Variants in CNOT9 observed in about 807,000 individuals in gnomAD.
CNOT9 encodes the protein CCR4-NOT transcription complex subunit 9, also known as RCD1 required for cell differentiation1 homolog.
In CNOT9, 8 loss-of-function variants were observed where a neutral mutation model predicts 37.4. That is an observed-to-expected ratio of 0.21 (90% CI 0.13 to 0.39). CNOT9 has a LOEUF of 0.39. Among genes scored for constraint, CNOT9 ranks in the 10% least tolerant of loss-of-function variants. CNOT9 has a pLI of 1.00. For synonymous variants in CNOT9, 120 were observed against 137.6 expected (o/e 0.87, Z 0.90); for missense variants, 154 against 365.3 (o/e 0.42, Z 4.71).
chr2:218,584,474 C>A, intron 3 of CNOT9, 138 bp from the exon 4 acceptor site: 1 of 717,670 alleles, frequency 1.4e-6, no homozygotes, highest in Non-Finnish European at 2.5e-6. Context: ...AGACTAATGA[C>A]CAGTAACATT....
At chr2:218,574,026 G>A (rs577993561) in intron 1 of CNOT9, 1 of 435,340 alleles carries the variant, frequency 2.3e-6, no homozygotes, top group Admixed American at 2.5e-5. Flanking sequence ...CTGGAGTGCA[G>A]TGGTGTGATC....
rs115387032 is a variant in CNOT9, at chr2:218,586,313, A to G, written c.431-1273A>G. On this transcript the variant is annotated intron_variant, in intron 4 of 7. Coordinates refer to ENST00000273064, the MANE Select transcript of CNOT9 (RefSeq NM_005444.3). ...ACCTTTGAAAGATAATTAGGTTTAGATGAGGACATGGCCCTCATGAGGTTA... is the reference window on the plus strand; with the variant it reads ...ACCTTTGAAAGATAATTAGGTTTAGGTGAGGACATGGCCCTCATGAGGTTA... 4.8e-3 allele frequency among the ~76,000 whole-genome samples: 731 copies of G among 152,260 alleles called. 6 individuals are homozygous for G. The highest frequency in any genetic ancestry group is 0.017 in the African/African-American group (701 of 41,560).
intron 5 of CNOT9, 146 bp downstream of exon 5, chr2:218,587,841 A>G (rs1303701460): frequency 3.9e-5 from 17 of 437,866 alleles, no homozygotes; most frequent in Non-Finnish European, 6.2e-5. Flanking sequence ...ACAATTATTG[A>G]AAAACCCAAA....
In CNOT9 at chr2:218,596,911, A is replaced by T. The variant is rs895064586; in HGVS notation, c.*2635A>T. ...TCCACGTTCTTTTTTCAAGAGCCTT[A>T]GAGGGCCTGTGGCCTGTTTCACTGG... is the stretch of plus-strand genomic sequence containing the variant. On this transcript the variant is annotated 3_prime_UTR_variant, in exon 8 of 8. Transcript: ENST00000273064. The T allele has an allele frequency of 2.0e-5, 3 of 152,192 alleles. No homozygotes were observed. The highest frequency in any genetic ancestry group is 4.4e-5 in the Non-Finnish European group (3 of 68,028). 9.4% of individuals were successfully genotyped at this position (152,192 alleles called of 1,614,324 possible). A position where few individuals can be genotyped will look rare whatever the true frequency, so the allele number is the denominator to read the frequency against.
At chr2:218,578,994 A>G (rs3770216) in intron 1 of CNOT9, among the ~76,000 whole-genome samples, 45,319 of 152,104 alleles carry the variant, frequency 0.3, 7,863 homozygotes, top group Non-Finnish European at 0.39. Context: ...TAGTTAGAGA[A>G]TATACTGAAG....
chr2:218,582,417 G>T (rs1445543426), intron 2 of CNOT9, among the ~76,000 whole-genome samples: 1 of 152,210 alleles, frequency 6.6e-6, no homozygotes, highest in Non-Finnish European at 1.5e-5. Context: ...TAGGCCGGGC[G>T]CAGTGGCTCA....
At position 218,592,506 on chromosome 2, in the gene CNOT9, A is replaced by G; in HGVS notation, c.639+104A>G. 3 of 1,476,318 alleles carry G rather than the reference A, an allele frequency of 2.0e-6. No homozygotes were observed. The highest frequency in any genetic ancestry group is 1.9e-6 in the Non-Finnish European group (2 of 1,054,674). The allele number at this position is 1,476,318 out of a possible 1,614,324, so 91.5% of individuals were successfully genotyped here. On this transcript the variant is annotated intron_variant, in intron 6 of 7. Transcript: ENST00000273064. The surrounding 1 kb of genome is among the most constrained non-coding windows in gnomAD (Gnocchi z 4.1). Reference sequence around the variant, plus strand: ...TTCAGTCCTCTGACTAGAACTAACAATTTTGGAACCTTTTATGATTCTTGG... The same window carrying G: ...TTCAGTCCTCTGACTAGAACTAACAGTTTTGGAACCTTTTATGATTCTTGG...
intron 1 of CNOT9, 77 bp downstream of exon 1, chr2:218,569,055 G>T: frequency 6.6e-7 from 1 of 1,516,368 alleles, no homozygotes. Context: ...CCTAATTCCC[G>T]GTGTCGGGTC....
chr2:218,573,731 CCAACTT>C (rs1488790762), intron 1 of CNOT9: 1 of 154,402 alleles, frequency 6.5e-6, no homozygotes, highest in African/African-American at 2.4e-5. Flanking sequence ...AAATAGAAGA[CCAACTT>C]AAACTGTCAG....
In CNOT9 at chr2:218,594,251, G is replaced by A. The variant is rs554656744; in HGVS notation, c.875G>A (p.Arg292Gln). 2.5e-6 allele frequency: 4 copies of A among 1,612,792 alleles called. No individual in the cohort carries two copies. The highest frequency in any genetic ancestry group is 4.5e-5 in the East Asian group (2 of 44,810). Reference protein sequence around the residue: ...NLQEGQVTDPRGIPLPPQ With the variant: ...NLQEGQVTDPQGIPLPPQ ...CAAGAGGGCCAGGTCACCGATCCCC[G>A]GGGTATCCCCCTGCCCCCTCAGTGA... The change falls in exon 8 of 8, where the codon CGG becomes CAG. Residue 292 changes from arginine (R) to glutamine (Q), a missense_variant. By Grantham distance (43) the Arg-to-Gln change is conservative. Coordinates refer to ENST00000273064, the MANE Select transcript of CNOT9 (RefSeq NM_005444.3).
chr2:218,576,567 G>A (rs931468022), intron 1 of CNOT9, among the ~76,000 whole-genome samples: 41 of 152,280 alleles, frequency 2.7e-4, no homozygotes, highest in Admixed American at 2.7e-3. Context: ...ATAGTACTGA[G>A]TGTTCTTTCA....
intron 1 of CNOT9, among the ~76,000 whole-genome samples, chr2:218,577,140 A>G (rs1694200952): frequency 1.3e-5 from 2 of 152,220 alleles, no homozygotes; most frequent in Non-Finnish European, 2.9e-5. Context: ...TTCCTTATCT[A>G]TAAAATGAGA....
At chr2:218,591,457 A>G (rs888603782) in intron 5 of CNOT9, among the ~76,000 whole-genome samples, 1 of 152,192 alleles carries the variant, frequency 6.6e-6, no homozygotes, top group African/African-American at 2.4e-5. Context: ...AAAAGGCCTT[A>G]TCTCAGCCGA....
chr2:218,581,487 A>G (rs899306191), intron 2 of CNOT9, among the ~76,000 whole-genome samples: 2 of 152,108 alleles, frequency 1.3e-5, no homozygotes, highest in African/African-American at 4.8e-5. Context: ...GAAATGTTGA[A>G]GGTATAACAG....
At chr2:218,580,931 A>G in intron 2 of CNOT9, 191 bp downstream of exon 2, 1 of 674,818 alleles carries the variant, frequency 1.5e-6, no homozygotes, top group African/African-American at 1.8e-5. Context: ...CAAGAGATTC[A>G]ATTTAGTCAG....
chr2:218,582,310 T>C (rs1308699641), intron 2 of CNOT9, among the ~76,000 whole-genome samples: 1 of 152,078 alleles, frequency 6.6e-6, no homozygotes, highest in Admixed American at 6.6e-5. Flanking sequence ...GCTAGCAAAA[T>C]TATAAAAATT....
chr2:218,587,370 G>C, intron 4 of CNOT9: 1 of 934,904 alleles, frequency 1.1e-6, no homozygotes, highest in African/African-American at 1.7e-5. Flanking sequence ...TGATCTGCCC[G>C]CCTCGGCCTC....
intron 2 of CNOT9, chr2:218,581,176 T>G: frequency 3.2e-6 from 1 of 311,158 alleles, no homozygotes; most frequent in South Asian, 2.6e-5. Flanking sequence ...TTTTCTTTTT[T>G]TTTTTTTTTT....
chr2:218,586,846 C>T (rs1366051286), intron 4 of CNOT9, among the ~76,000 whole-genome samples: 1 of 152,234 alleles, frequency 6.6e-6, no homozygotes, highest in Middle Eastern at 3.4e-3. Flanking sequence ...GTTGTTTAAG[C>T]CACCAGTCTA....
Sources: allele counts gnomAD v4.1 joint callset (sites outside exome capture counted in the v4.1 genomes callset), GRCh38; gene constraint gnomAD v4.1.1; non-coding constraint Gnocchi (gnomAD v3.1); transcripts MANE v1.5; gene names NCBI Gene and HGNC (gene_info 2026-07-23, HGNC 2026-07-21).